The following SDK1 variants were observed in gnomAD, a reference collection of about 807,000 sequenced individuals.
The protein encoded by SDK1 is protein sidekick-1.
A neutral mutation model predicts 245.5 loss-of-function variants in SDK1; 157 were observed. The ratio of observed to expected loss-of-function variants is 0.64; its 90% confidence interval spans 0.56 to 0.73. The LOEUF (loss-of-function observed/expected upper bound fraction) is 0.73, where lower values mean the gene tolerates loss of function less well. SDK1 is among the 30% of genes least tolerant of loss of function. The probability of loss-of-function intolerance (pLI) is 0.00; values close to 1 mark genes in which losing one functional copy is unlikely to be tolerated. For synonymous variants in SDK1, 1,647 were observed against 1,278.5 expected (o/e 1.29, Z -6.15); for missense variants, 3,583 against 3,002.3 (o/e 1.19, Z -4.52).
chr7:4,040,102 G>A lies in SDK1; in HGVS notation c.2603-9246G>A, dbSNP rs114779938. Among the ~76,000 whole-genome samples the A allele has an allele frequency of 4.6e-3, 704 of 152,270 alleles. 5 individuals are homozygous for A. The highest frequency in any genetic ancestry group is 0.016 in the African/African-American group (660 of 41,552). ...GAATGTCAAGTGGTGAGGAGCAGGAGGAAAGACTCAAATCTGTCTCACCAC... is the reference window on the plus strand; with the variant it reads ...GAATGTCAAGTGGTGAGGAGCAGGAAGAAAGACTCAAATCTGTCTCACCAC... On this transcript the variant is annotated intron_variant, in intron 17 of 44. Coordinates refer to ENST00000404826, the MANE Select transcript of SDK1 (RefSeq NM_152744.4).
intron 1 of SDK1, among the ~76,000 whole-genome samples, chr7:3,560,084 T>TTC (rs1779701095): frequency 1.3e-5 from 2 of 152,376 alleles, no homozygotes; most frequent in South Asian, 2.1e-4. Flanking sequence ...TTTATCTTAA[T>TTC]AACCCATACA....
intron 17 of SDK1, among the ~76,000 whole-genome samples, chr7:4,037,256 G>A (rs992516751): frequency 1.3e-5 from 2 of 152,176 alleles, no homozygotes; most frequent in Non-Finnish European, 2.9e-5. Context: ...AACAAGCTTC[G>A]ACTGCACACT....
At chr7:3,517,234 A>T (rs1782782440) in intron 1 of SDK1, among the ~76,000 whole-genome samples, 1 of 152,168 alleles carries the variant, frequency 6.6e-6, no homozygotes, top group South Asian at 2.1e-4. Flanking sequence ...TAATTCACGC[A>T]TGTTCATCAT....
chr7:4,225,936 A>T (rs935337199), intron 40 of SDK1, among the ~76,000 whole-genome samples: 1 of 146,752 alleles, frequency 6.8e-6, no homozygotes, highest in East Asian at 1.9e-4. Context: ...AGGGAACCCA[A>T]GCAGGCCGCG....
Position 3,819,722 on chromosome 7 carries a change from G to T in SDK1, c.714-1728G>T, listed in dbSNP as rs1414807883. On this transcript the variant is annotated intron_variant, in intron 4 of 44. Transcript: ENST00000404826. ...CTAATAGGGAAATTTTCATAAATGA[G>T]ACATGAAGTAAGTCATAGAGACCTC... Among the ~76,000 whole-genome samples, 6 of 152,044 alleles carry T rather than the reference G, an allele frequency of 3.9e-5. No homozygotes were observed. The East Asian group carries it at 9.6e-4, about 24-fold the overall frequency.
chr7:3,533,764 C>A (rs1481606330), intron 1 of SDK1, among the ~76,000 whole-genome samples: 1 of 152,060 alleles, frequency 6.6e-6, no homozygotes, highest in Non-Finnish European at 1.5e-5. Context: ...TTTCATCCAT[C>A]TCTTTGGCTG....
At chr7:3,430,052 G>A (rs1220803236) in intron 1 of SDK1, among the ~76,000 whole-genome samples, 1 of 152,226 alleles carries the variant, frequency 6.6e-6, no homozygotes, top group African/African-American at 2.4e-5. Flanking sequence ...CTTGGGAATG[G>A]TGGAACTCTG....
intron 5 of SDK1, among the ~76,000 whole-genome samples, chr7:3,947,244 C>T (rs1780613279): frequency 6.6e-6 from 1 of 152,168 alleles, no homozygotes; most frequent in African/African-American, 2.4e-5. Context: ...TGAGAAGCCA[C>T]CCTCACCCCC....
intron 4 of SDK1, among the ~76,000 whole-genome samples, chr7:3,685,826 C>G (rs1784265665): frequency 2.0e-5 from 3 of 151,646 alleles, no homozygotes; most frequent in Admixed American, 2.0e-4. Context: ...AAATACTCAA[C>G]CTATAGGAAG....
intron 1 of SDK1, among the ~76,000 whole-genome samples, chr7:3,618,695 A>G (rs190588735): frequency 2.8e-4 from 43 of 152,334 alleles, no homozygotes; most frequent in Non-Finnish European, 5.3e-4. Context: ...AAGGTTATAG[A>G]GGAAACTTCT....
intron 5 of SDK1, among the ~76,000 whole-genome samples, chr7:3,864,958 A>G (rs139700358): frequency 7.7e-4 from 118 of 152,334 alleles, no homozygotes; most frequent in African/African-American, 2.7e-3. Context: ...AGACTGTCCC[A>G]TTTGAGCTTG....
At chr7:3,823,213 A>G (rs1779690125) in intron 5 of SDK1, among the ~76,000 whole-genome samples, 1 of 152,208 alleles carries the variant, frequency 6.6e-6, no homozygotes, top group Non-Finnish European at 1.5e-5. Context: ...AAGGGTTATG[A>G]TAAAGAATGG....
At chr7:4,069,787 A>C (rs1363633263) in intron 20 of SDK1, among the ~76,000 whole-genome samples, 1 of 152,164 alleles carries the variant, frequency 6.6e-6, no homozygotes, top group African/African-American at 2.4e-5. Context: ...TTGTCACCCT[A>C]GCCTTGTGGG....
At chr7:3,681,805 T>G (rs1325290406) in intron 4 of SDK1, among the ~76,000 whole-genome samples, 1 of 152,194 alleles carries the variant, frequency 6.6e-6, no homozygotes, top group African/African-American at 2.4e-5. Context: ...TAACTTTCCT[T>G]TCACATGAAT....
At chr7:3,985,744 A>G (rs912463358) in intron 13 of SDK1, among the ~76,000 whole-genome samples, 7 of 152,340 alleles carry the variant, frequency 4.6e-5, no homozygotes, top group African/African-American at 1.2e-4. Flanking sequence ...CTAATGTACA[A>G]TGTAGTTGCA....
chr7:3,337,244 A>G (rs1229987371), intron 1 of SDK1, among the ~76,000 whole-genome samples: 1 of 152,224 alleles, frequency 6.6e-6, no homozygotes, highest in African/African-American at 2.4e-5. Flanking sequence ...AAGAAATGAT[A>G]GAACTGAAAA....
chr7:4,231,141 A>G (rs34512792), intron 40 of SDK1, among the ~76,000 whole-genome samples: 26,909 of 152,128 alleles, frequency 0.18, 3,122 homozygotes, highest in Non-Finnish European at 0.25. Context: ...TAAACTACAT[A>G]CAGCCAGCAA....
At chr7:3,857,211 A>G (rs1322563529) in intron 5 of SDK1, among the ~76,000 whole-genome samples, 1 of 152,200 alleles carries the variant, frequency 6.6e-6, no homozygotes, top group Non-Finnish European at 1.5e-5. Flanking sequence ...TTGAAGTCTG[A>G]ATCTGGGGAA....
chr7:4,084,726 GTT>G (rs546521252), intron 22 of SDK1, among the ~76,000 whole-genome samples: 260 of 89,868 alleles, frequency 2.9e-3, no homozygotes, highest in South Asian at 0.014. Context: ...GTTATGTTAT[GTT>G]ATGTTGTTAC....
Sources: gnomAD v4.1 joint callset for allele counts (sites outside exome capture counted in the v4.1 genomes callset) on GRCh38, gnomAD v4.1.1 for gene constraint, MANE v1.5 for transcripts, NCBI Gene and HGNC (gene_info 2026-07-23, HGNC 2026-07-21) for gene names.